The following GRIK2 variants were observed in gnomAD, a reference collection of about 807,000 sequenced individuals.
GRIK2 encodes the protein glutamate receptor ionotropic, kainate 2.
Under a neutral mutation model 100.3 loss-of-function variants are expected in GRIK2, and 32 were observed. The observed-to-expected ratio is 0.32, with a 90% CI of 0.24 to 0.43. The LOEUF (loss-of-function observed/expected upper bound fraction) is 0.43, where lower values mean the gene tolerates loss of function less well. GRIK2 is among the 20% of genes least tolerant of loss of function. The pLI is 1.00. For synonymous variants in GRIK2, 417 were observed against 389.4 expected (o/e 1.07, Z -0.83); for missense variants, 843 against 1,114.9 (o/e 0.76, Z 3.47).
intron 2 of GRIK2, among the ~76,000 whole-genome samples, chr6:101,462,221 C>T (rs964816007): frequency 2.6e-5 from 4 of 152,134 alleles, no homozygotes; most frequent in South Asian, 2.1e-4. Flanking sequence ...CTACTGACTG[C>T]GCCGGTGTCC....
intron 11 of GRIK2, among the ~76,000 whole-genome samples, chr6:101,866,900 T>TTG (rs60775585): frequency 0.038 from 5,694 of 149,234 alleles, 159 homozygotes; most frequent in Non-Finnish European, 0.049. Context: ...CTTAATTTCA[T>TTG]TGTGTGTGTG....
chr6:102,044,150 A>G (rs2114465098), intron 15 of GRIK2, among the ~76,000 whole-genome samples: 1 of 152,172 alleles, frequency 6.6e-6, no homozygotes. Context: ...GAGTAATTTC[A>G]TCTTTAAAAA....
intron 2 of GRIK2, among the ~76,000 whole-genome samples, chr6:101,581,198 A>G (rs1270834356): frequency 6.7e-6 from 1 of 149,490 alleles, no homozygotes; most frequent in Non-Finnish European, 1.5e-5. Context: ...ACACACATAT[A>G]TATACGCATA....
chr6:101,730,334 ATACAT>A (rs1775173735), intron 7 of GRIK2, among the ~76,000 whole-genome samples: 3 of 151,866 alleles, frequency 2.0e-5, no homozygotes, highest in Admixed American at 6.6e-5. Flanking sequence ...TAAATTAAGA[ATACAT>A]TATATAAAAC....
Position 101,417,486 on chromosome 6 carries a change from C to T in GRIK2, c.115+18094C>T, listed in dbSNP as rs187614969. Among the ~76,000 whole-genome samples, 414 of 152,286 alleles carry T rather than the reference C, an allele frequency of 2.7e-3. 2 individuals are homozygous for T. The highest frequency in any genetic ancestry group is 9.2e-3 in the African/African-American group (384 of 41,554). On this transcript the variant is annotated intron_variant, in intron 2 of 16. Coordinates refer to ENST00000369134, the MANE Select transcript of GRIK2 (RefSeq NM_021956.5). ...ATTCTAGGTGTTGCTGCTCTGTGCC[C>T]TCCTAAACATGCCTCCTCTAGTCAA...
At chr6:101,565,804 C>G (rs923412767) in intron 2 of GRIK2, among the ~76,000 whole-genome samples, 6 of 151,042 alleles carry the variant, frequency 4.0e-5, no homozygotes, top group African/African-American at 1.5e-4. Flanking sequence ...TACTATTTAC[C>G]TATTGTTGAC....
At chr6:101,643,130 C>CT (rs1385550447) in intron 4 of GRIK2, among the ~76,000 whole-genome samples, 2 of 151,568 alleles carry the variant, frequency 1.3e-5, no homozygotes, top group African/African-American at 4.8e-5. Flanking sequence ...TATTAACTGA[C>CT]TATCAGATAT....
chr6:101,472,261 A>G (rs1401995904), intron 2 of GRIK2, among the ~76,000 whole-genome samples: 1 of 151,752 alleles, frequency 6.6e-6, no homozygotes, highest in African/African-American at 2.4e-5. Flanking sequence ...AAAATATTGC[A>G]TTTTCAAAGA....
intron 7 of GRIK2, among the ~76,000 whole-genome samples, chr6:101,724,976 G>T (rs1774757985): frequency 6.6e-6 from 1 of 151,812 alleles, no homozygotes; most frequent in Admixed American, 6.6e-5. Flanking sequence ...TCACTTTATT[G>T]CTCTCTGTAA....
At chr6:101,853,563 T>G (rs1784259069) in intron 10 of GRIK2, among the ~76,000 whole-genome samples, 1 of 152,166 alleles carries the variant, frequency 6.6e-6, no homozygotes, top group African/African-American at 2.4e-5. Context: ...TCTTACCATA[T>G]GATCTTGCAG....
At chr6:101,892,162 A>G (rs1787147403) in intron 12 of GRIK2, among the ~76,000 whole-genome samples, 1 of 152,164 alleles carries the variant, frequency 6.6e-6, no homozygotes, top group Admixed American at 6.5e-5. Flanking sequence ...GGCATTAGTC[A>G]AGCTGAATTA....
intron 7 of GRIK2, among the ~76,000 whole-genome samples, chr6:101,732,240 A>G (rs1775322322): frequency 6.6e-6 from 1 of 152,030 alleles, no homozygotes; most frequent in East Asian, 1.9e-4. Flanking sequence ...TGTTCTACAG[A>G]TGAGACAATC....
intron 2 of GRIK2, among the ~76,000 whole-genome samples, chr6:101,556,592 T>C (rs1215640271): frequency 3.9e-5 from 6 of 152,150 alleles, no homozygotes; most frequent in Non-Finnish European, 5.9e-5. Flanking sequence ...GAAGTTATTA[T>C]TGATAATAGC....
At chr6:101,403,336 T>G (rs1169912183) in intron 2 of GRIK2, among the ~76,000 whole-genome samples, 1 of 152,172 alleles carries the variant, frequency 6.6e-6, no homozygotes, top group Non-Finnish European at 1.5e-5. Flanking sequence ...CGACCTAACT[T>G]TTCTCTTAAA....
intron 7 of GRIK2, among the ~76,000 whole-genome samples, chr6:101,795,887 ATTTC>A (rs1190358780): frequency 6.6e-6 from 1 of 152,116 alleles, no homozygotes; most frequent in Non-Finnish European, 1.5e-5. Flanking sequence ...ATAACAATGT[ATTTC>A]TTTTTTACAA....
intron 14 of GRIK2, among the ~76,000 whole-genome samples, chr6:102,017,511 G>T (rs757844874): frequency 3.9e-5 from 6 of 152,072 alleles, no homozygotes; most frequent in African/African-American, 9.7e-5. Context: ...GGTTTGGTTT[G>T]TTATCTGTCC....
chr6:101,890,973 GTACATATATATA>G (rs1787018372), intron 12 of GRIK2, among the ~76,000 whole-genome samples: 1 of 65,412 alleles, frequency 1.5e-5, no homozygotes, highest in African/African-American at 8.8e-5. Flanking sequence ...CCTATAAAGT[GTACATATATATA>G]TATATATATA....
chr6:101,924,689 T>C lies in GRIK2; in HGVS notation c.1837T>C (p.Trp613Arg). 6.2e-7 allele frequency: 1 copy of C among 1,610,214 alleles called. No homozygotes were observed. The highest frequency in any genetic ancestry group is 8.5e-7 in the Non-Finnish European group (1 of 1,176,426). ...ENNFTLLNSF[W>R]FGVGALMQQG... ...CAATTTTACCTTGCTAAATAGTTTC[T>C]GGTTTGGAGTTGGAGCTCTCATGCA... Residue 613 changes from tryptophan to arginine, a missense_variant, in exon 13 of 17, where the codon TGG (tryptophan) becomes CGG (arginine). Trp to Arg is a moderately radical substitution (Grantham distance 101). Transcript: ENST00000369134.
chr6:101,839,368 T>C (rs1250326141), intron 10 of GRIK2, among the ~76,000 whole-genome samples: 1 of 152,172 alleles, frequency 6.6e-6, no homozygotes, highest in Non-Finnish European at 1.5e-5. Context: ...AAGGCACAGA[T>C]GTGTGAAAGA....
Sources: allele counts gnomAD v4.1 joint callset (sites outside exome capture counted in the v4.1 genomes callset), GRCh38; gene constraint gnomAD v4.1.1; transcripts MANE v1.5; gene names NCBI Gene and HGNC (gene_info 2026-07-23, HGNC 2026-07-21).